The following FAM184A variants were observed in gnomAD, a reference collection of about 807,000 sequenced individuals.
FAM184A encodes family with sequence similarity 184 member A, also known as protein FAM184A.
A neutral mutation model predicts 143.8 loss-of-function variants in FAM184A; 99 were observed. The ratio of observed to expected loss-of-function variants is 0.69; its 90% CI spans 0.58 to 0.81. The LOEUF is 0.81. Ranked by LOEUF, FAM184A falls within the 40% of genes least tolerant of loss-of-function variation. FAM184A has a pLI of 0.00. For synonymous variants in FAM184A, 427 were observed against 446.4 expected (o/e 0.96, Z 0.55); for missense variants, 1,217 against 1,310.5 (o/e 0.93, Z 1.10).
chr6:119,082,534 C>T (rs895725978), upstream of FAM184A, among the ~76,000 whole-genome samples: 2 of 152,254 alleles, frequency 1.3e-5, no homozygotes, highest in Admixed American at 6.5e-5. Context: ...TAAATGTTCC[C>T]ATTCCAACTG....
At chr6:119,142,659 C>T (rs937030287) in intron 1 of FAM184A, among the ~76,000 whole-genome samples, 20 of 152,156 alleles carry the variant, frequency 1.3e-4, no homozygotes, top group African/African-American at 4.8e-4. Flanking sequence ...CTCTCCAGTA[C>T]GAAGCCTCAG....
chr6:119,137,776 T>C (rs1772071094), intron 1 of FAM184A, among the ~76,000 whole-genome samples: 2 of 152,238 alleles, frequency 1.3e-5, no homozygotes, highest in Admixed American at 6.5e-5. Flanking sequence ...CAAGAAACCC[T>C]GTCCTCAGAG....
chr6:119,077,100 T>A (rs1225189039), intron 1 of FAM184A, among the ~76,000 whole-genome samples: 1 of 152,202 alleles, frequency 6.6e-6, no homozygotes, highest in African/African-American at 2.4e-5. Flanking sequence ...TTCAACCTTT[T>A]TTCACTCCTA....
chr6:119,043,603 G>A (rs1582546572), intron 1 of FAM184A, among the ~76,000 whole-genome samples: 1 of 151,470 alleles, frequency 6.6e-6, no homozygotes, highest in Non-Finnish European at 1.5e-5. Flanking sequence ...TAGGGTAAGG[G>A]CAACAAACCC....
chr6:119,058,167 CCTT>C (rs1405747540), intron 1 of FAM184A, among the ~76,000 whole-genome samples: 1 of 147,780 alleles, frequency 6.8e-6, no homozygotes, highest in East Asian at 1.9e-4. Context: ...GTCCAATTCT[CCTT>C]CTCTCTTTTT....
intron 1 of FAM184A, among the ~76,000 whole-genome samples, chr6:119,114,117 G>A (rs1167842800): frequency 6.6e-6 from 1 of 152,136 alleles, no homozygotes; most frequent in East Asian, 1.9e-4. Context: ...TGTGGTCTCA[G>A]GCAACCACTG....
At chr6:119,037,687 T>C (rs1786163690) in intron 1 of FAM184A, among the ~76,000 whole-genome samples, 1 of 152,240 alleles carries the variant, frequency 6.6e-6, no homozygotes, top group East Asian at 1.9e-4. Flanking sequence ...TAATTTAGAA[T>C]ACGTAAAAAT....
intron 1 of FAM184A, among the ~76,000 whole-genome samples, chr6:119,140,340 C>G (rs1252685493): frequency 6.6e-6 from 1 of 152,162 alleles, no homozygotes; most frequent in East Asian, 1.9e-4. Context: ...GTTGTCTGAT[C>G]AGATTTGCTT....
chr6:119,033,057 T>C (rs1379004488), intron 1 of FAM184A, among the ~76,000 whole-genome samples: 1 of 152,178 alleles, frequency 6.6e-6, no homozygotes, highest in East Asian at 1.9e-4. Flanking sequence ...CTTATAAATA[T>C]AATTTTTTTG....
intron 1 of FAM184A, among the ~76,000 whole-genome samples, chr6:119,077,631 A>T (rs945528884): frequency 3.3e-5 from 5 of 152,352 alleles, no homozygotes; most frequent in African/African-American, 1.2e-4. Context: ...AGGATAAGGA[A>T]TGACTCATTA....
At chr6:119,103,400 T>A (rs1788695552) in intron 1 of FAM184A, among the ~76,000 whole-genome samples, 1 of 152,200 alleles carries the variant, frequency 6.6e-6, no homozygotes, top group Non-Finnish European at 1.5e-5. Flanking sequence ...GGCTGAGTGA[T>A]TTTTTTGTAA....
intron 3 of FAM184A, among the ~76,000 whole-genome samples, chr6:119,021,975 C>CA (rs1208978666): frequency 2.0e-5 from 3 of 147,524 alleles, no homozygotes; most frequent in Non-Finnish European, 3.0e-5. Flanking sequence ...GACCTTGTCT[C>CA]AAAAAATAAA....
intron 9 of FAM184A, among the ~76,000 whole-genome samples, chr6:118,984,198 T>C (rs1224356501): frequency 7.2e-6 from 1 of 138,728 alleles, no homozygotes; most frequent in Non-Finnish European, 1.5e-5. Context: ...TATTTATATT[T>C]ATATATATTT....
intron 11 of FAM184A, among the ~76,000 whole-genome samples, chr6:118,978,635 G>A (rs915093043): frequency 3.9e-5 from 6 of 152,128 alleles, no homozygotes; most frequent in Admixed American, 3.3e-4. Context: ...ATGAGAAACA[G>A]GGTCAGACGG....
intron 15 of FAM184A, among the ~76,000 whole-genome samples, chr6:118,966,383 T>C (rs1052523725): frequency 6.6e-6 from 1 of 152,170 alleles, no homozygotes; most frequent in African/African-American, 2.4e-5. Flanking sequence ...TTTTTTTCTA[T>C]AGAGTAAAAA....
chr6:118,984,183 ATATATATTTATATT>A (rs1233657719), intron 9 of FAM184A, among the ~76,000 whole-genome samples: 1 of 142,056 alleles, frequency 7.0e-6, no homozygotes, highest in African/African-American at 2.6e-5. Flanking sequence ...ATATATTTAT[ATATATATTTATATT>A]TATATATATT....
At chr6:119,141,619 G>A (rs890060793) in intron 1 of FAM184A, among the ~76,000 whole-genome samples, 1 of 152,152 alleles carries the variant, frequency 6.6e-6, no homozygotes, top group Non-Finnish European at 1.5e-5. Context: ...TGGGACTACA[G>A]GTGTGTGCCA....
Position 119,011,423 on chromosome 6 carries a change from T to C in FAM184A, c.1539A>G (p.Glu513=). 1 of 1,536,566 alleles carries C rather than the reference T, an allele frequency of 6.5e-7. No homozygotes were observed. The highest frequency in any genetic ancestry group is 1.2e-5 in the South Asian group (1 of 83,358). ...TTAGTTTATCTTTGTTATGTTGTTC[T>C]TCCAAATCCTTAGAAAAAGAAATTT... The part of the protein sequence containing the change: ...RDKKKLQMDL[E]EQHNKDKLNL... The change falls in exon 6 of 18, where the codon GAA becomes GAG. Residue 513 remains glutamate, a synonymous_variant. Transcript: ENST00000338891.
intron 1 of FAM184A, among the ~76,000 whole-genome samples, chr6:119,077,684 A>C (rs1354073413): frequency 6.6e-6 from 1 of 152,180 alleles, no homozygotes; most frequent in African/African-American, 2.4e-5. Context: ...ACCCTCCTAC[A>C]TTCCTCTGAA....
Sources: gnomAD v4.1 joint callset for allele counts (sites outside exome capture counted in the v4.1 genomes callset) on GRCh38, gnomAD v4.1.1 for gene constraint, MANE v1.5 for transcripts, NCBI Gene and HGNC (gene_info 2026-07-23, HGNC 2026-07-21) for gene names.